The following DCT variants were observed in gnomAD, a reference collection of about 807,000 sequenced individuals.
The protein encoded by DCT is L-dopachrome tautomerase.
A neutral mutation model predicts 53.0 loss-of-function variants in DCT; 47 were observed. That is an observed-to-expected ratio of 0.89 (90% CI 0.70 to 1.13). The LOEUF (loss-of-function observed/expected upper bound fraction) is 1.13, where lower values mean the gene tolerates loss of function less well. Ranked by LOEUF, DCT falls within the 50% of genes most tolerant of loss-of-function variation. The probability of loss-of-function intolerance (pLI) is 0.00; values close to 1 mark genes in which losing one functional copy is unlikely to be tolerated. For synonymous variants in DCT, 244 were observed against 237.0 expected (o/e 1.03, Z -0.27); for missense variants, 669 against 637.4 (o/e 1.05, Z -0.53).
chr13:94,524,446 C>A, the DCT span, among the ~76,000 whole-genome samples: 2 of 152,208 alleles, frequency 1.3e-5, no homozygotes, highest in Admixed American at 1.3e-4. Context: ...CCTGGGCCAG[C>A]CCAGACCCTC....
chr13:94,469,188 G>C, intron 1 of DCT, 143 bp from the exon 2 acceptor site: 4 of 672,800 alleles, frequency 5.9e-6, no homozygotes, highest in Non-Finnish European at 1.0e-5. Flanking sequence ...TCCTCCCATG[G>C]TCTCCTCTTA....
At chr13:94,503,197 GC>G in the DCT span, among the ~76,000 whole-genome samples, 1 of 151,994 alleles carries the variant, frequency 6.6e-6, no homozygotes, top group Non-Finnish European at 1.5e-5. Flanking sequence ...GGGAAACATA[GC>G]AAAAACCCCA....
chr13:94,518,000 T>C, the DCT span, among the ~76,000 whole-genome samples: 2 of 151,460 alleles, frequency 1.3e-5, no homozygotes, highest in Non-Finnish European at 2.9e-5. Context: ...CCCAGCACTT[T>C]GAGCAGCTGA....
At chr13:94,525,095 A>G in the DCT span, among the ~76,000 whole-genome samples, 1 of 140,898 alleles carries the variant, frequency 7.1e-6, no homozygotes, top group Non-Finnish European at 1.5e-5. Context: ...CAGCGCTGTG[A>G]AGTGATACCT....
chr13:94,501,169 T>A, the DCT span, among the ~76,000 whole-genome samples: 3 of 152,068 alleles, frequency 2.0e-5, no homozygotes, highest in African/African-American at 7.2e-5. Flanking sequence ...CTCAGGAGGC[T>A]GAGGCAGGAG....
At chr13:94,509,743 A>G in the DCT span, among the ~76,000 whole-genome samples, 57,673 of 151,986 alleles carry the variant, frequency 0.38, 11,422 homozygotes, top group East Asian at 0.61. Flanking sequence ...CATCTTCTAG[A>G]AGTGCTGTGA....
chr13:94,503,054 T>A, the DCT span, among the ~76,000 whole-genome samples: 3 of 152,164 alleles, frequency 2.0e-5, no homozygotes, highest in East Asian at 5.8e-4. Context: ...GACCTGTGAA[T>A]GTCACTTTAT....
At chr13:94,528,849 T>C in the DCT span, among the ~76,000 whole-genome samples, 61,070 of 151,710 alleles carry the variant, frequency 0.4, 12,965 homozygotes, top group East Asian at 0.61. Context: ...GACTGGCAAA[T>C]TGGATAAAGA....
the DCT span, among the ~76,000 whole-genome samples, chr13:94,516,420 T>C: frequency 6.6e-6 from 1 of 152,274 alleles, no homozygotes; most frequent in South Asian, 2.1e-4. Flanking sequence ...ATCAACAATT[T>C]TTCTTTGTGC....
chr13:94,542,648 T>G, the DCT span, among the ~76,000 whole-genome samples: 1,667 of 152,348 alleles, frequency 0.011, 30 homozygotes, highest in African/African-American at 0.036. Context: ...TCAATCGAAG[T>G]TCTCCGATTT....
intron 6 of DCT, among the ~76,000 whole-genome samples, chr13:94,451,196 C>T (rs1005996097): frequency 3.9e-5 from 6 of 152,084 alleles, no homozygotes; most frequent in Non-Finnish European, 1.5e-5. Context: ...TGTGTACCTG[C>T]TATTTAAAAA....
chr13:94,514,683 C>T, the DCT span, among the ~76,000 whole-genome samples: 2 of 152,152 alleles, frequency 1.3e-5, no homozygotes, highest in African/African-American at 2.4e-5. Context: ...CTGGGCCTTT[C>T]GGTTCCCTCA....
chr13:94,492,297 C>G, the DCT span, among the ~76,000 whole-genome samples: 1 of 152,226 alleles, frequency 6.6e-6, no homozygotes, highest in African/African-American at 2.4e-5. Context: ...TCACATGCCC[C>G]TCCCTCTCTA....
Position 94,479,493 on chromosome 13 carries a change from T to C in DCT, c.-238A>G, listed in dbSNP as rs1449795136. The C allele has an allele frequency of 4.4e-6, 2 of 450,762 alleles. No homozygotes were observed. Among genetic ancestry groups the C allele is most frequent in the Non-Finnish European group, 7.8e-6 (2 of 256,182 alleles). The allele number at this position is 450,762 out of a possible 1,614,324, so 27.9% of individuals were successfully genotyped here. On this transcript the variant is annotated 5_prime_UTR_variant, in exon 1 of 8. Transcript: ENST00000377028. ...GATTCAAACAACTAACAGACTTAAT[T>C]TCCTTAGAAGCGCCTCTAACAACCA...
intron 1 of DCT, among the ~76,000 whole-genome samples, chr13:94,474,801 A>G (rs1397783432): frequency 2.0e-5 from 3 of 152,224 alleles, no homozygotes; most frequent in Non-Finnish European, 2.9e-5. Context: ...TAGAATTTAG[A>G]GTTTTAAAAA....
chr13:94,526,196 A>G, the DCT span, among the ~76,000 whole-genome samples: 1 of 152,204 alleles, frequency 6.6e-6, no homozygotes, highest in Non-Finnish European at 1.5e-5. Flanking sequence ...ATGCCCACTC[A>G]TTTAGTTAAC....
At chr13:94,473,753 T>C (rs1277181525) in intron 1 of DCT, among the ~76,000 whole-genome samples, 5 of 152,198 alleles carry the variant, frequency 3.3e-5, no homozygotes, top group African/African-American at 1.2e-4. Flanking sequence ...GCTTTCAACA[T>C]CTGTGAAAAG....
chr13:94,446,373 G>A (rs1355597934), intron 6 of DCT, among the ~76,000 whole-genome samples: 1 of 152,178 alleles, frequency 6.6e-6, no homozygotes, highest in African/African-American at 2.4e-5. Flanking sequence ...CATTTTGCAG[G>A]TGGGTGGGGC....
At chr13:94,472,545 TATATATATATATATATATA>T (rs1566855043) in intron 1 of DCT, among the ~76,000 whole-genome samples, 26 of 30,618 alleles carry the variant, frequency 8.5e-4, no homozygotes, top group African/African-American at 3.4e-3. Flanking sequence ...TATATATATA[TATATATATATATATATATA>T]TATATTTTTT....
Sources: allele counts gnomAD v4.1 joint callset (sites outside exome capture counted in the v4.1 genomes callset), GRCh38; gene constraint gnomAD v4.1.1; transcripts MANE v1.5; gene names NCBI Gene and HGNC (gene_info 2026-07-23, HGNC 2026-07-21).